The following NAALADL2 variants were observed in gnomAD, a reference collection of about 807,000 sequenced individuals.
NAALADL2 encodes the protein N-acetylated alpha-linked acidic dipeptidase like 2, also known as inactive N-acetylated-alpha-linked acidic dipeptidase-like protein 2.
NAALADL2 carries 76 observed loss-of-function variants against 87.2 expected under a neutral mutation model. The ratio of observed to expected loss-of-function variants is 0.87; its 90% CI spans 0.72 to 1.05. NAALADL2 has a LOEUF of 1.05. NAALADL2 is among the 50% of genes least tolerant of loss of function. The probability of loss-of-function intolerance (pLI) is 0.00; values close to 1 mark genes in which losing one functional copy is unlikely to be tolerated. For missense variants in NAALADL2, 1,089 were observed against 945.8 expected (o/e 1.15, Z -1.99); for synonymous variants, 354 against 331.0 (o/e 1.07, Z -0.75).
At chr3:175,290,985 G>T (rs1185085112) in intron 4 of NAALADL2, among the ~76,000 whole-genome samples, 1 of 152,032 alleles carries the variant, frequency 6.6e-6, no homozygotes, top group Admixed American at 6.6e-5. Context: ...TTGGGCAATG[G>T]TGCTAAGGTG....
At chr3:175,284,818 T>G (rs1435169780) in intron 4 of NAALADL2, among the ~76,000 whole-genome samples, 1 of 152,136 alleles carries the variant, frequency 6.6e-6, no homozygotes, top group Non-Finnish European at 1.5e-5. Context: ...CTACATGTGG[T>G]CTCTGGTCTT....
intron 10 of NAALADL2, among the ~76,000 whole-genome samples, chr3:175,583,661 A>G (rs1720120338): frequency 6.6e-6 from 1 of 152,224 alleles, no homozygotes; most frequent in Non-Finnish European, 1.5e-5. Flanking sequence ...AAGAAATAAT[A>G]GAATTTTATT....
intron 1 of NAALADL2, among the ~76,000 whole-genome samples, chr3:175,023,799 C>T (rs1751875374): frequency 6.6e-6 from 1 of 152,020 alleles, no homozygotes; most frequent in African/African-American, 2.4e-5. Context: ...TACAGCTTTA[C>T]TGAGGAACAT....
intron 5 of NAALADL2, among the ~76,000 whole-genome samples, chr3:175,368,677 T>C (rs1429313299): frequency 6.6e-6 from 1 of 152,028 alleles, no homozygotes; most frequent in Non-Finnish European, 1.5e-5. Context: ...AATGCATCAT[T>C]AGGTGACTTC....
chr3:175,390,891 T>G (rs532620973), intron 5 of NAALADL2, among the ~76,000 whole-genome samples: 2 of 152,314 alleles, frequency 1.3e-5, no homozygotes, highest in East Asian at 3.9e-4. Flanking sequence ...CACTTCAATC[T>G]GCACCTGTAC....
At chr3:174,546,582 A>G (rs916540687) in intron 1 of NAALADL2, among the ~76,000 whole-genome samples, 7 of 152,168 alleles carry the variant, frequency 4.6e-5, no homozygotes, top group African/African-American at 4.8e-5. Context: ...ACGTTGTACC[A>G]TGTGCTCTGC....
chr3:174,530,505 G>A (rs749577232), intron 1 of NAALADL2, among the ~76,000 whole-genome samples: 18 of 152,144 alleles, frequency 1.2e-4, no homozygotes, highest in Non-Finnish European at 2.4e-4. Flanking sequence ...AATTTACTGT[G>A]TTAGTCCGTT....
chr3:174,890,927 G>C (rs1003274051), intron 1 of NAALADL2, among the ~76,000 whole-genome samples: 9 of 151,952 alleles, frequency 5.9e-5, no homozygotes, highest in African/African-American at 2.2e-4. Context: ...AATTGCTACT[G>C]TCTCTTGGAA....
chr3:175,206,290 GTA>G lies in NAALADL2; in HGVS notation c.546-27639_546-27638del, dbSNP rs1204399299. Reference sequence around the variant, plus strand: ...TTTTTTTTTCACTGTGTGTGTGTATGTATGTGTATATATATATATATACACAT... The same window carrying G: ...TTTTTTTTTCACTGTGTGTGTGTATGTGTGTATATATATATATATACACAT... On this transcript the variant is annotated intron_variant, in intron 2 of 13. Coordinates refer to ENST00000454872, the MANE Select transcript of NAALADL2 (RefSeq NM_207015.3). Among the ~76,000 whole-genome samples the G allele has an allele frequency of 5.6e-5, 6 of 107,368 alleles. 1 individual carries two copies. Among genetic ancestry groups the G allele is most frequent in the African/African-American group, 2.9e-4 (6 of 20,686 alleles). The allele number at this position is 107,368 out of a possible 152,430, so 70.4% of individuals were successfully genotyped here. A position where few individuals can be genotyped will look rare whatever the true frequency, so the allele number is the denominator to read the frequency against.
chr3:175,575,464 T>C (rs966686960), intron 9 of NAALADL2, among the ~76,000 whole-genome samples: 1 of 151,950 alleles, frequency 6.6e-6, no homozygotes, highest in Non-Finnish European at 1.5e-5. Flanking sequence ...TTTCTATTTT[T>C]AGTAGGGACG....
chr3:174,526,617 T>G (rs544550503), intron 1 of NAALADL2, among the ~76,000 whole-genome samples: 1 of 152,036 alleles, frequency 6.6e-6, no homozygotes. Context: ...TACATTAATT[T>G]AAAAAATAGC....
intron 11 of NAALADL2, among the ~76,000 whole-genome samples, chr3:175,639,670 C>T (rs1444309690): frequency 1.3e-5 from 2 of 152,052 alleles, no homozygotes; most frequent in Non-Finnish European, 2.9e-5. Context: ...GTGGTTGATA[C>T]ACTAAATTTT....
intron 2 of NAALADL2, among the ~76,000 whole-genome samples, chr3:174,669,607 T>C (rs1726328518): frequency 2.0e-5 from 3 of 152,136 alleles, no homozygotes; most frequent in Admixed American, 2.0e-4. Context: ...TGTATTTCTG[T>C]CTTTATGCCA....
At chr3:175,328,442 G>C (rs924982486) in intron 5 of NAALADL2, among the ~76,000 whole-genome samples, 1 of 151,528 alleles carries the variant, frequency 6.6e-6, no homozygotes, top group Non-Finnish European at 1.5e-5. Flanking sequence ...GTCTAACCCT[G>C]ACTTTTTGTA....
intron 2 of NAALADL2, among the ~76,000 whole-genome samples, chr3:175,155,782 G>A (rs1255186334): frequency 3.9e-5 from 6 of 152,090 alleles, no homozygotes; most frequent in African/African-American, 1.2e-4. Context: ...ACAGATCTTT[G>A]GGCCTCATCC....
intron 3 of NAALADL2, among the ~76,000 whole-genome samples, chr3:174,744,453 G>T (rs899413291): frequency 6.6e-6 from 1 of 151,974 alleles, no homozygotes; most frequent in Non-Finnish European, 1.5e-5. Flanking sequence ...TATAAAACAA[G>T]TTCTTAGAGA....
intron 2 of NAALADL2, among the ~76,000 whole-genome samples, chr3:174,632,662 GC>G (rs1722225742): frequency 6.6e-6 from 1 of 152,118 alleles, no homozygotes; most frequent in Admixed American, 6.5e-5. Context: ...CAGGCTGGGT[GC>G]AGTGGCTCAT....
intron 2 of NAALADL2, among the ~76,000 whole-genome samples, chr3:174,577,819 A>G (rs1418297379): frequency 6.6e-6 from 1 of 152,126 alleles, no homozygotes; most frequent in Non-Finnish European, 1.5e-5. Context: ...CAGACGAATC[A>G]GATCTTGAAA....
chr3:175,233,571 AG>A (rs965082516), intron 2 of NAALADL2, among the ~76,000 whole-genome samples: 3 of 152,118 alleles, frequency 2.0e-5, no homozygotes, highest in African/African-American at 7.2e-5. Flanking sequence ...TGTCCCAAGT[AG>A]GTGGGACCAC....
Sources: allele counts gnomAD v4.1 joint callset (sites outside exome capture counted in the v4.1 genomes callset), GRCh38; gene constraint gnomAD v4.1.1; transcripts MANE v1.5; gene names NCBI Gene and HGNC (gene_info 2026-07-23, HGNC 2026-07-21).